SLC9C1: variants seen among roughly 807,000 people sequenced by gnomAD.
The protein encoded by SLC9C1 is solute carrier family 9 member C1.
Under a neutral mutation model 140.9 loss-of-function variants are expected in SLC9C1, and 97 were observed. That is an observed-to-expected ratio of 0.69 (90% confidence interval 0.58 to 0.82). The LOEUF (loss-of-function observed/expected upper bound fraction) is 0.82. SLC9C1 is among the 40% of genes least tolerant of loss of function. The pLI is 0.00. For synonymous variants in SLC9C1, 440 were observed against 442.6 expected (o/e 0.99, Z 0.07); for missense variants, 1,340 against 1,389.3 (o/e 0.96, Z 0.56).
intron 27 of SLC9C1, among the ~76,000 whole-genome samples, chr3:112,153,593 G>A (rs1374704247): frequency 6.6e-6 from 1 of 152,196 alleles, no homozygotes; most frequent in African/African-American, 2.4e-5. Context: ...GAAAGGGTGA[G>A]CCAAGAATAA....
chr3:112,176,232 C>T (rs994616389), intron 23 of SLC9C1, among the ~76,000 whole-genome samples: 2 of 152,158 alleles, frequency 1.3e-5, no homozygotes, highest in African/African-American at 4.8e-5. Flanking sequence ...TCACTGCTTC[C>T]CTGGGCAGGG....
At chr3:112,223,401 T>G (rs1055560531) in intron 13 of SLC9C1, among the ~76,000 whole-genome samples, 1 of 152,154 alleles carries the variant, frequency 6.6e-6, no homozygotes, top group East Asian at 1.9e-4. Flanking sequence ...AATTTTTGCT[T>G]TTTAAAAAAT....
At chr3:112,144,319 A>G (rs1161423723) in intron 28 of SLC9C1, among the ~76,000 whole-genome samples, 4 of 151,670 alleles carry the variant, frequency 2.6e-5, no homozygotes, top group African/African-American at 9.7e-5. Context: ...CTGGGATTAC[A>G]GGTACCCACC....
At chr3:112,249,346 G>A (rs1470404230) in intron 10 of SLC9C1, among the ~76,000 whole-genome samples, 4 of 150,836 alleles carry the variant, frequency 2.7e-5, no homozygotes, top group African/African-American at 9.8e-5. Context: ...GCTGGATTGG[G>A]TATGTCAGTA....
In SLC9C1 at chr3:112,151,888, C is replaced by T. The variant is rs368893280; in HGVS notation, c.3493G>A (p.Glu1165Lys). Residue 1165 changes from glutamate (E) to lysine (K), a missense_variant, in exon 28 of 29, where the codon GAG (glutamate) becomes AAG (lysine). Physicochemically the swap from Glu to Lys is moderately conservative, Grantham distance 56 (BLOSUM62 1). Coordinates refer to ENST00000305815, the MANE Select transcript of SLC9C1 (RefSeq NM_183061.3). ...SLLGTKFNCK[E>K]SPRINLRKVR... ...TTCCTTAGGTTTATTCTAGGGGACTCCTTACAGTTGAACTTTGTCCCCAGC... is the reference window on the plus strand; with the variant it reads ...TTCCTTAGGTTTATTCTAGGGGACTTCTTACAGTTGAACTTTGTCCCCAGC... The T allele has an allele frequency of 8.1e-6, 13 of 1,611,632 alleles. No homozygotes were observed. Among genetic ancestry groups the T allele is most frequent in the South Asian group, 2.2e-5 (2 of 90,516 alleles).
chr3:112,198,323 G>A (rs1462795980), intron 20 of SLC9C1, among the ~76,000 whole-genome samples: 1 of 151,714 alleles, frequency 6.6e-6, no homozygotes, highest in Non-Finnish European at 1.5e-5. Context: ...TAATCCTACT[G>A]CTTTTAAGCT....
chr3:112,182,119 A>G lies in SLC9C1; in HGVS notation c.2649+14T>C. On this transcript the variant is annotated intron_variant, in intron 21 of 28. Coordinates refer to ENST00000305815, the MANE Select transcript of SLC9C1 (RefSeq NM_183061.3). ...TACATTAAAAATATTATTAATAGGAAATAAAAGTGTTACCTGAATGAAGTT... is the reference window on the plus strand; with the variant it reads ...TACATTAAAAATATTATTAATAGGAGATAAAAGTGTTACCTGAATGAAGTT... The G allele has an allele frequency of 6.8e-7, 1 of 1,475,442 alleles. No homozygotes were observed. Among genetic ancestry groups the G allele is most frequent in the Non-Finnish European group, 9.1e-7 (1 of 1,100,974 alleles). 91.4% of individuals were successfully genotyped at this position (1,475,442 alleles called of 1,614,324 possible). A position where few individuals can be genotyped will look rare whatever the true frequency, so the allele number is the denominator to read the frequency against.
chr3:112,232,938 G>C (rs980205960), intron 12 of SLC9C1, among the ~76,000 whole-genome samples: 2 of 150,712 alleles, frequency 1.3e-5, no homozygotes, highest in African/African-American at 2.4e-5. Flanking sequence ...CAAATGCTTA[G>C]ATACACAATA....
At chr3:112,193,267 G>A (rs908692132) in intron 20 of SLC9C1, among the ~76,000 whole-genome samples, 2 of 152,250 alleles carry the variant, frequency 1.3e-5, no homozygotes, top group African/African-American at 4.8e-5. Flanking sequence ...TAGGGTTGGA[G>A]CCATGGGTCT....
intron 10 of SLC9C1, among the ~76,000 whole-genome samples, chr3:112,253,572 ACT>A (rs1246125641): frequency 1.3e-5 from 2 of 152,110 alleles, no homozygotes; most frequent in Non-Finnish European, 2.9e-5. Flanking sequence ...GCAAATAAAG[ACT>A]CTGCAGAAAG....
At chr3:112,240,033 ATAG>A in intron 11 of SLC9C1, 27 bp from the exon 12 acceptor site, 4 of 1,578,534 alleles carry the variant, frequency 2.5e-6, no homozygotes, top group Non-Finnish European at 3.4e-6. Context: ...CATTTGATAA[ATAG>A]TAGAAACACC....
In SLC9C1 at chr3:112,141,092, A is replaced by G. The variant is rs1410402487; in HGVS notation, c.*180T>C. On this transcript the variant is annotated 3_prime_UTR_variant, in exon 29 of 29. Coordinates refer to ENST00000305815, the MANE Select transcript of SLC9C1 (RefSeq NM_183061.3). ...ATTTTAAATCAAGGAAATTTTGCAAAAAGTATATATGTTGAACTGCTGGTT... is the reference window on the plus strand; with the variant it reads ...ATTTTAAATCAAGGAAATTTTGCAAGAAGTATATATGTTGAACTGCTGGTT... 2.1e-6 allele frequency: 1 copy of G among 477,168 alleles called. No homozygotes were observed. The highest frequency in any genetic ancestry group is 3.5e-6 in the Non-Finnish European group (1 of 283,596). 29.6% of individuals were successfully genotyped at this position (477,168 alleles called of 1,614,324 possible).
At chr3:112,169,350 T>C in intron 23 of SLC9C1, 22 bp from the exon 24 acceptor site, 1 of 1,597,346 alleles carries the variant, frequency 6.3e-7, no homozygotes, top group Non-Finnish European at 8.5e-7. Flanking sequence ...GGATGTAAAT[T>C]TGATATTTTA....
rs77138364 is a variant in SLC9C1, at chr3:112,281,535, A to G, written c.89-752T>C. Among the ~76,000 whole-genome samples the G allele has an allele frequency of 5.8e-3, 890 of 152,340 alleles. 5 individuals carry two copies. The highest frequency in any genetic ancestry group is 0.021 in the African/African-American group (859 of 41,578). On this transcript the variant is annotated intron_variant, in intron 2 of 28. Transcript: ENST00000305815. ...ACACATTTCTGAAACACTTTGCCAC[A>G]GTGAAGGAAATAAGGAATTGTACTC... is the stretch of plus-strand genomic sequence containing the variant.
chr3:112,193,024 G>A (rs1201654537), intron 20 of SLC9C1, among the ~76,000 whole-genome samples: 8 of 152,054 alleles, frequency 5.3e-5, no homozygotes, highest in Non-Finnish European at 1.0e-4. Context: ...GGTGTCGGTT[G>A]GGTAGAATGC....
intron 20 of SLC9C1, among the ~76,000 whole-genome samples, chr3:112,198,875 T>C (rs952032115): frequency 1.3e-5 from 2 of 151,990 alleles, no homozygotes; most frequent in East Asian, 1.9e-4. Flanking sequence ...ACAGAATGAA[T>C]TGGGATTCTT....
chr3:112,252,358 G>A (rs1053655352), intron 10 of SLC9C1, among the ~76,000 whole-genome samples: 1 of 152,090 alleles, frequency 6.6e-6, no homozygotes, highest in Non-Finnish European at 1.5e-5. Flanking sequence ...GTGTTTTCTG[G>A]TCAGCAGCAG....
intron 26 of SLC9C1, among the ~76,000 whole-genome samples, chr3:112,161,231 T>G (rs2107886389): frequency 6.6e-6 from 1 of 152,334 alleles, no homozygotes; most frequent in East Asian, 1.9e-4. Flanking sequence ...GCCTGTTCAC[T>G]CTGATGGTAG....
intron 28 of SLC9C1, chr3:112,151,204 A>C: frequency 2.4e-6 from 1 of 419,296 alleles, no homozygotes; most frequent in Non-Finnish European, 4.7e-6. Flanking sequence ...TAACTTAGTG[A>C]TATGATTTAT....
Sources: gnomAD v4.1 joint callset for allele counts (sites outside exome capture counted in the v4.1 genomes callset) on GRCh38, gnomAD v4.1.1 for gene constraint, MANE v1.5 for transcripts, NCBI Gene and HGNC (gene_info 2026-07-23, HGNC 2026-07-21) for gene names.